The following CCK variants were observed in gnomAD, a reference collection of about 807,000 sequenced individuals.
CCK encodes cholecystokinin.
A neutral mutation model predicts 10.1 loss-of-function variants in CCK; 11 were observed. The observed-to-expected ratio is 1.09, with a 90% CI of 0.69 to 1.81. The LOEUF is 1.81. CCK is among the 40% of genes most tolerant of loss of function. CCK has a pLI of 0.00. For missense variants in CCK, 137 were observed against 159.9 expected (o/e 0.86, Z 0.77); for synonymous variants, 83 against 71.9 (o/e 1.15, Z -0.78).
intron 4 of CCK, among the ~76,000 whole-genome samples, chr3:42,262,507 A>G (rs1266129011): frequency 3.9e-5 from 6 of 152,172 alleles, no homozygotes; most frequent in Admixed American, 3.9e-4. Flanking sequence ...GGTGTGAGCC[A>G]CTGCTCCTGG....
intron 4 of CCK, among the ~76,000 whole-genome samples, chr3:42,259,564 G>T (rs192002703): frequency 1.1e-4 from 16 of 152,118 alleles, no homozygotes; most frequent in South Asian, 6.2e-4. Flanking sequence ...CTCAAAGAAG[G>T]GGGGGAGAGA....
intron 4 of CCK, 50 bp downstream of exon 4, chr3:42,263,367 G>A (rs1371871842): frequency 6.2e-7 from 1 of 1,613,726 alleles, no homozygotes; most frequent in Non-Finnish European, 8.5e-7. Context: ...TCAGCATCGG[G>A]AGCCTGGGAA....
intron 3 of CCK, among the ~76,000 whole-genome samples, chr3:42,264,182 G>T (rs1301841588): frequency 6.6e-6 from 1 of 152,130 alleles, no homozygotes; most frequent in Non-Finnish European, 1.5e-5. Flanking sequence ...AGTGTACGTG[G>T]GAAATGGCAA....
rs754811527 is a variant in CCK, at chr3:42,263,452, G to C, written c.179C>G (p.Ala60Gly). The change falls in exon 4 of 5, where the codon GCC (alanine) becomes GGC (glycine). Residue 60 changes from alanine to glycine, a missense_variant. Transcript: ENST00000396169. The part of the protein sequence containing the change: ...TDGESRAHLG[A>G]LLARYIQQAR... The stretch of plus-strand genomic sequence containing the variant: ...CTGCTGGATGTATCTTGCCAGCAGG[G>C]CGCCCAGGTGCGCTCGGGACTCGCC... 6.2e-7 allele frequency: 1 copy of C among 1,614,164 alleles called. No homozygotes were observed. Among genetic ancestry groups the C allele is most frequent in the Non-Finnish European group, 8.5e-7 (1 of 1,180,012 alleles).
At chr3:42,263,381 G>A in intron 4 of CCK, 36 bp downstream of exon 4, 1 of 1,614,094 alleles carries the variant, frequency 6.2e-7, no homozygotes, top group Non-Finnish European at 8.5e-7. Context: ...CTGGGAACAA[G>A]GGCAGAAGTG....
intron 4 of CCK, among the ~76,000 whole-genome samples, chr3:42,259,907 C>T (rs995676701): frequency 5.9e-5 from 9 of 152,208 alleles, no homozygotes. Context: ...CACTCAATGA[C>T]TCCCACTGTG....
chr3:42,258,203 CT>C lies in CCK; in HGVS notation c.242del (p.Lys81ArgfsTer12). 1 of 1,614,090 alleles carries C rather than the reference CT, an allele frequency of 6.2e-7. No individual in the cohort carries two copies. Among genetic ancestry groups the C allele is most frequent in the Non-Finnish European group, 8.5e-7 (1 of 1,180,024 alleles). ...KAPSGRMSIV[K>X]NLQNLDPSHR... is the part of the protein sequence containing the mutation. ...GGCTGGGGTCCAGGTTCTGCAGGTT[CT>C]TAACGATGGACATTCGTCCAGAAGG... On this transcript the variant is annotated frameshift_variant, in exon 5 of 5. Coordinates refer to ENST00000396169, the MANE Select transcript of CCK (RefSeq NM_000729.6). LOFTEE classifies it high-confidence loss of function.
Position 42,263,475 on chromosome 3 carries a change from G to C in CCK, c.156C>G (p.Gly52=), listed in dbSNP as rs576832067. Residue 52 remains glycine (G), a synonymous_variant, in exon 4 of 5, where the codon GGC becomes GGG. Coordinates refer to ENST00000396169, the MANE Select transcript of CCK (RefSeq NM_000729.6). Reference sequence around the variant, plus strand: ...GGGCGCCCAGGTGCGCTCGGGACTCGCCATCCGTTCTCTGCGATACCCTCA... The same window carrying C: ...GGGCGCCCAGGTGCGCTCGGGACTCCCCATCCGTTCTCTGCGATACCCTCA... The part of the protein sequence containing the change: ...RQLRVSQRTD[G]ESRAHLGALL... The C allele has an allele frequency of 4.3e-6, 7 of 1,614,152 alleles. No individual in the cohort carries two copies. The African/African-American group carries it at 9.3e-5, about 22-fold the overall frequency.
At chr3:42,258,511 A>G (rs1711169688) in intron 4 of CCK, among the ~76,000 whole-genome samples, 1 of 152,216 alleles carries the variant, frequency 6.6e-6, no homozygotes, top group African/African-American at 2.4e-5. Flanking sequence ...CTAGCCTTGC[A>G]GTCTGGGGAC....
intron 4 of CCK, 74 bp downstream of exon 4, chr3:42,263,343 G>T: frequency 6.2e-7 from 1 of 1,608,370 alleles, no homozygotes; most frequent in Non-Finnish European, 8.5e-7. Context: ...TCAGGCTAGC[G>T]CTAGAGAAGA....
intron 4 of CCK, chr3:42,263,104 A>G (rs1711238203): frequency 4.5e-6 from 2 of 445,248 alleles, no homozygotes; most frequent in Non-Finnish European, 8.3e-6. Context: ...AGTAGAGGGT[A>G]TTCACTGTAT....
At position 42,258,059 on chromosome 3, in the gene CCK, G is replaced by A; in HGVS notation, c.*39C>T. 6.3e-7 allele frequency: 1 copy of A among 1,588,444 alleles called. No homozygotes were observed. On this transcript the variant is annotated 3_prime_UTR_variant, in exon 5 of 5. Coordinates refer to ENST00000396169, the MANE Select transcript of CCK (RefSeq NM_000729.6). ...TTCTTATTCTGCCTCCTCTGGGTTG[G>A]GAGGTTGCTTCCCGTTGGGCTGATG...
At chr3:42,258,475 CA>C (rs1392854531) in intron 4 of CCK, among the ~76,000 whole-genome samples, 1 of 152,194 alleles carries the variant, frequency 6.6e-6, no homozygotes, top group African/African-American at 2.4e-5. Flanking sequence ...TTGCGTTCTG[CA>C]AGTATTTAGG....
At chr3:42,262,109 C>T (rs1711222845) in intron 4 of CCK, among the ~76,000 whole-genome samples, 1 of 151,930 alleles carries the variant, frequency 6.6e-6, no homozygotes, top group African/African-American at 2.4e-5. Context: ...TCTGGTCAAG[C>T]CAGGGGTTAA....
At chr3:42,261,950 G>A (rs1462893310) in intron 4 of CCK, among the ~76,000 whole-genome samples, 1 of 152,162 alleles carries the variant, frequency 6.6e-6, no homozygotes, top group Non-Finnish European at 1.5e-5. Context: ...AAGGTGGTGG[G>A]TGGGGCAATT....
At chr3:42,262,847 T>A (rs1223334887) in intron 4 of CCK, 1 of 165,412 alleles carries the variant, frequency 6.0e-6, no homozygotes, top group Non-Finnish European at 1.3e-5. Context: ...TGTGACCATC[T>A]CTGCAACAGT....
At chr3:42,261,056 G>A (rs1022564300) in intron 4 of CCK, among the ~76,000 whole-genome samples, 1 of 152,158 alleles carries the variant, frequency 6.6e-6, no homozygotes, top group African/African-American at 2.4e-5. Context: ...CAATATAGAT[G>A]TAGCATTGAA....
chr3:42,263,604 C>A lies in CCK; in HGVS notation c.27G>T (p.Val9=), dbSNP rs1439197833. 1 of 1,603,878 alleles carries A rather than the reference C, an allele frequency of 6.2e-7. No individual in the cohort carries two copies. Among genetic ancestry groups the A allele is most frequent in the Non-Finnish European group, 8.5e-7 (1 of 1,175,052 alleles). MNSGVCLC[V]LMAVLAAGAL... The stretch of plus-strand genomic sequence containing the variant: ...CGCCAGCCGCCAGTACCGCCATCAG[C>A]ACGCACAGGCACACGCCGCTGTTCA... The change falls in exon 4 of 5, where the codon GTG becomes GTT. Residue 9 remains valine (V), a synonymous_variant. Coordinates refer to ENST00000396169, the MANE Select transcript of CCK (RefSeq NM_000729.6).
chr3:42,263,362 A>G, intron 4 of CCK, 55 bp downstream of exon 4: 4 of 1,613,724 alleles, frequency 2.5e-6, no homozygotes, highest in Non-Finnish European at 3.4e-6. Flanking sequence ...GAGGGTCAGC[A>G]TCGGGAGCCT....
Sources: gnomAD v4.1 joint callset for allele counts (sites outside exome capture counted in the v4.1 genomes callset) on GRCh38, gnomAD v4.1.1 for gene constraint, MANE v1.5 for transcripts, NCBI Gene and HGNC (gene_info 2026-07-23, HGNC 2026-07-21) for gene names.